The following WDFY1 variants were observed in gnomAD, a reference collection of about 807,000 sequenced individuals.
The protein encoded by WDFY1 is WD repeat and FYVE domain-containing protein 1.
Under a neutral mutation model 56.4 loss-of-function variants are expected in WDFY1, and 32 were observed. That is an observed-to-expected ratio of 0.57 (90% CI 0.43 to 0.76). The LOEUF (loss-of-function observed/expected upper bound fraction) is 0.76, where lower values mean the gene tolerates loss of function less well. Among genes scored for constraint, WDFY1 ranks in the 30% least tolerant of loss-of-function variants. WDFY1 has a pLI of 0.00. For missense variants in WDFY1, 480 were observed against 545.7 expected (o/e 0.88, Z 1.20); for synonymous variants, 192 against 197.3 (o/e 0.97, Z 0.23).
chr2:223,933,055 CT>C (rs1376641418), intron 1 of WDFY1, among the ~76,000 whole-genome samples: 1 of 152,100 alleles, frequency 6.6e-6, no homozygotes, highest in African/African-American at 2.4e-5. Flanking sequence ...AGTCTTTCTC[CT>C]TTGGTAACAG....
intron 2 of WDFY1, among the ~76,000 whole-genome samples, chr2:223,914,561 T>G (rs1026406580): frequency 1.3e-5 from 2 of 152,196 alleles, no homozygotes; most frequent in African/African-American, 4.8e-5. Context: ...GCCACAGAGA[T>G]TGGCCCACAT....
chr2:223,939,997 G>A (rs779689944), intron 1 of WDFY1, among the ~76,000 whole-genome samples: 3 of 152,138 alleles, frequency 2.0e-5, no homozygotes, highest in Admixed American at 6.5e-5. Flanking sequence ...TGCTTTTAGC[G>A]TTTGTAAAAT....
At chr2:223,913,183 A>G (rs1375039789) in intron 2 of WDFY1, among the ~76,000 whole-genome samples, 1 of 150,118 alleles carries the variant, frequency 6.7e-6, no homozygotes, top group East Asian at 2.0e-4. Context: ...AGTTGAGATC[A>G]GCCTGGACAA....
In WDFY1 at chr2:223,930,342, T is replaced by C. The variant is rs890563360; in HGVS notation, c.138-12332A>G. On this transcript the variant is annotated intron_variant, in intron 1 of 11. Transcript: ENST00000233055. ...AATATATTTCTCTGAGCCTTGTTTT[T>C]GTTTTGAGACGGAGTCCGGTTCTGT... 7.2e-5 allele frequency among the ~76,000 whole-genome samples: 11 copies of C among 152,372 alleles called. No individual in the cohort carries two copies. The East Asian group carries it at 2.1e-3, about 29-fold the overall frequency.
chr2:223,895,488 A>C lies in WDFY1; in HGVS notation c.725+16T>G. 1 of 1,613,730 alleles carries C rather than the reference A, an allele frequency of 6.2e-7. No individual in the cohort carries two copies. Among genetic ancestry groups the C allele is most frequent in the Non-Finnish European group, 8.5e-7 (1 of 1,179,778 alleles). ...TAACTCGGATTCTTTCCCCACCCCC[A>C]CAAGTGGTCACGCACTGATGGCCCT... On this transcript the variant is annotated intron_variant, in intron 7 of 11. Transcript: ENST00000233055.
chr2:223,927,620 G>A (rs6436447), intron 1 of WDFY1, among the ~76,000 whole-genome samples: 127,988 of 152,158 alleles, frequency 0.84, 54,568 homozygotes, highest in Non-Finnish European at 0.93. Context: ...ACCTTTCTCC[G>A]TATCATCAAT....
intron 1 of WDFY1, among the ~76,000 whole-genome samples, chr2:223,939,929 C>G (rs1006455677): frequency 6.6e-6 from 1 of 152,260 alleles, no homozygotes; most frequent in Non-Finnish European, 1.5e-5. Context: ...ATACTAACTT[C>G]AGGAAAACCT....
At chr2:223,912,380 TC>T (rs1191516814) in intron 2 of WDFY1, 54 bp from the exon 3 acceptor site, 1 of 1,364,570 alleles carries the variant, frequency 7.3e-7, no homozygotes, top group African/African-American at 2.2e-5. Context: ...TTTAAGTTGT[TC>T]TTCAAAGTGA....
chr2:223,905,934 G>A lies in WDFY1; in HGVS notation c.334+13C>T. Reference sequence around the variant, plus strand: ...CATGTATGTGTACGCAAGATAATGTGTATTATAATTACCTGGGTAGGTCTT... The same window carrying A: ...CATGTATGTGTACGCAAGATAATGTATATTATAATTACCTGGGTAGGTCTT... On this transcript the variant is annotated intron_variant, in intron 4 of 11. Coordinates refer to ENST00000233055, the MANE Select transcript of WDFY1 (RefSeq NM_020830.5). The A allele has an allele frequency of 6.5e-7, 1 of 1,541,358 alleles. No homozygotes were observed. The highest frequency in any genetic ancestry group is 8.8e-7 in the Non-Finnish European group (1 of 1,139,208).
rs1305832734 is a variant in WDFY1 at position 223,934,093 on chromosome 2, T to C, written c.137+11055A>G. Among the ~76,000 whole-genome samples, 110 of 148,440 alleles carry C rather than the reference T, an allele frequency of 7.4e-4. 1 individual carries two copies. The highest frequency in any genetic ancestry group is 9.1e-4 in the Non-Finnish European group (61 of 67,012). ...GCCTTTTTCTTTTCTTTTTTTTTTT[T>C]TTTTTTTTTTTGAGAAAGAGAATCT... is the stretch of plus-strand genomic sequence containing the variant. On this transcript the variant is annotated intron_variant, in intron 1 of 11. Coordinates refer to ENST00000233055, the MANE Select transcript of WDFY1 (RefSeq NM_020830.5).
Position 223,918,041 on chromosome 2 carries a change from A to G in WDFY1, c.138-31T>C, listed in dbSNP as rs774615731. Reference sequence around the variant, plus strand: ...GAGAAAAGAAAAGAAAAAATAGAGTAGGTTTTAGTAATTTTATCTTTTGTG... The same window carrying G: ...GAGAAAAGAAAAGAAAAAATAGAGTGGGTTTTAGTAATTTTATCTTTTGTG... On this transcript the variant is annotated intron_variant, in intron 1 of 11. Transcript: ENST00000233055. The G allele has an allele frequency of 3.9e-5, 63 of 1,603,298 alleles. No individual in the cohort carries two copies. The South Asian group carries it at 6.7e-4, about 17-fold the overall frequency.
chr2:223,934,968 G>C (rs1408513025), intron 1 of WDFY1, among the ~76,000 whole-genome samples: 3 of 152,140 alleles, frequency 2.0e-5, no homozygotes, highest in East Asian at 3.8e-4. Context: ...GGCAAACATC[G>C]CACAAGAAGT....
chr2:223,914,409 T>C (rs533565453), intron 2 of WDFY1, among the ~76,000 whole-genome samples: 2 of 151,736 alleles, frequency 1.3e-5, no homozygotes, highest in Admixed American at 1.3e-4. Flanking sequence ...TAATAAATAG[T>C]TTTTTTTTCC....
intron 5 of WDFY1, 138 bp from the exon 6 acceptor site, chr2:223,899,208 T>A (rs568665503): frequency 1.6e-6 from 1 of 611,416 alleles, no homozygotes; most frequent in African/African-American, 1.8e-5. Context: ...CACGTAAAAC[T>A]ATAACAAGAA....
At chr2:223,920,794 C>A (rs1358705770) in intron 1 of WDFY1, among the ~76,000 whole-genome samples, 1 of 152,190 alleles carries the variant, frequency 6.6e-6, no homozygotes, top group Non-Finnish European at 1.5e-5. Context: ...AAAAGATGGG[C>A]AAGGCTTATC....
chr2:223,938,677 G>A (rs1403887831), intron 1 of WDFY1, among the ~76,000 whole-genome samples: 1 of 152,044 alleles, frequency 6.6e-6, no homozygotes, highest in Non-Finnish European at 1.5e-5. Flanking sequence ...GTGACTCCCA[G>A]GTGTAATGGC....
chr2:223,920,363 G>T (rs1693868454), intron 1 of WDFY1, among the ~76,000 whole-genome samples: 1 of 152,222 alleles, frequency 6.6e-6, no homozygotes, highest in African/African-American at 2.4e-5. Flanking sequence ...ATAGCAAAGG[G>T]ATGTTCCCTG....
At chr2:223,883,348 C>G (rs567245158) in intron 9 of WDFY1, among the ~76,000 whole-genome samples, 5 of 152,326 alleles carry the variant, frequency 3.3e-5, no homozygotes, top group African/African-American at 1.2e-4. Context: ...TATTCTTTTA[C>G]CGCCAAAAGT....
chr2:223,917,920 A>T (rs1021891573), intron 2 of WDFY1, 23 bp downstream of exon 2: 23 of 1,612,104 alleles, frequency 1.4e-5, no homozygotes, highest in Non-Finnish European at 1.6e-5. Flanking sequence ...ATTTCTCTCA[A>T]ATGGAACAGT....
Sources: gnomAD v4.1 joint callset for allele counts (sites outside exome capture counted in the v4.1 genomes callset) on GRCh38, gnomAD v4.1.1 for gene constraint, MANE v1.5 for transcripts, NCBI Gene and HGNC (gene_info 2026-07-23, HGNC 2026-07-21) for gene names.